Variants in RCAN1 observed in about 807,000 individuals in gnomAD.
RCAN1 encodes regulator of calcineurin 1.
A neutral mutation model predicts 22.9 loss-of-function variants in RCAN1; 11 were observed. The ratio of observed to expected loss-of-function variants is 0.48; its 90% CI spans 0.30 to 0.79. RCAN1 has a LOEUF of 0.79. Among genes scored for constraint, RCAN1 ranks in the 30% least tolerant of loss-of-function variants. The pLI is 0.06. For synonymous variants in RCAN1, 136 were observed against 142.3 expected, an observed-to-expected ratio of 0.96 and a Z score of 0.32; for missense variants, 291 against 337.8, an observed-to-expected ratio of 0.86 and a Z score of 1.09.
At chr21:34,539,567 A>G (rs1052043909) in intron 1 of RCAN1, among the ~76,000 whole-genome samples, 30 of 152,236 alleles carry the variant, frequency 2.0e-4, no homozygotes, top group Non-Finnish European at 3.5e-4. Context: ...ATAACAAAAA[A>G]GCTTCTCCTT....
rs886806931 is a variant in RCAN1 at position 34,581,038 on chromosome 21, C to T, written c.252+33722G>A. ...CACTAGGAGAACCACCCAGAAGTCA[C>T]GAGTCGGGAGTTCTAAGTCCTTGTG... On this transcript the variant is annotated intron_variant, in intron 1 of 3. Coordinates refer to ENST00000313806, the MANE Select transcript of RCAN1 (RefSeq NM_004414.7). Among the ~76,000 whole-genome samples the T allele has an allele frequency of 3.3e-5, 5 of 152,244 alleles. No individual in the cohort carries two copies. In the East Asian group the frequency reaches 5.8e-4, roughly 18 times the overall value.
At chr21:34,533,264 A>C (rs906928673) in intron 1 of RCAN1, among the ~76,000 whole-genome samples, 2 of 152,134 alleles carry the variant, frequency 1.3e-5, no homozygotes, top group African/African-American at 4.8e-5. Flanking sequence ...CAGGCCCAAA[A>C]TATACTTAAA....
At chr21:34,613,825 C>T in intron 1 of RCAN1, 1 of 1,484,182 alleles carries the variant, frequency 6.7e-7, no homozygotes, top group African/African-American at 1.4e-5. Context: ...GTATTGGCAG[C>T]AGCCTTCAAC....
intron 1 of RCAN1, among the ~76,000 whole-genome samples, chr21:34,575,764 C>T (rs141229838): frequency 1.6e-4 from 25 of 152,238 alleles, no homozygotes; most frequent in African/African-American, 4.1e-4. Context: ...TTAACAGCAA[C>T]GACACGTGCA....
chr21:34,607,392 C>T (rs1053474053), intron 1 of RCAN1, among the ~76,000 whole-genome samples: 87 of 151,954 alleles, frequency 5.7e-4, no homozygotes, highest in African/African-American at 1.9e-3. Flanking sequence ...TTTGGATTTG[C>T]TCCCTTTTTT....
At chr21:34,531,835 C>CCCTTT (rs1985403427) in intron 1 of RCAN1, among the ~76,000 whole-genome samples, 1 of 152,142 alleles carries the variant, frequency 6.6e-6, no homozygotes, top group African/African-American at 2.4e-5. Flanking sequence ...CTCCTTTCTC[C>CCCTTT]CCTTTCCTTT....
rs566860833 is a variant in RCAN1 at position 34,523,805 on chromosome 21, CAG to C, written c.253-97_253-96del. 245 of 1,037,258 alleles carry C rather than the reference CAG, an allele frequency of 2.4e-4. No homozygotes were observed. The African/African-American group carries it at 3.4e-3, about 14-fold the overall frequency. 64.3% of individuals were successfully genotyped at this position (1,037,258 alleles called of 1,614,324 possible). A position where few individuals can be genotyped will look rare whatever the true frequency, so the allele number is the denominator to read the frequency against. On this transcript the variant is annotated intron_variant, in intron 1 of 3. Coordinates refer to ENST00000313806, the MANE Select transcript of RCAN1 (RefSeq NM_004414.7). The stretch of plus-strand genomic sequence containing the variant: ...ATTACTTTTTTTTTTTTCTTCGAGA[CAG>C]AGTCTTGCTCTGTCACCCAGGCTGG...
In RCAN1 at chr21:34,518,316, A is replaced by G. The variant is rs1487521319; in HGVS notation, c.587-60T>C. On this transcript the variant is annotated intron_variant, in intron 3 of 3. Coordinates refer to ENST00000313806, the MANE Select transcript of RCAN1 (RefSeq NM_004414.7). The surrounding 1 kb of genome is among the most constrained non-coding windows in gnomAD (Gnocchi z 4.2). ...CAAGTCCTTGGGAGTCAAAAGGCAA[A>G]CATAAAAGAGCATTCAGGGCTCTGC... 6.4e-7 allele frequency: 1 copy of G among 1,574,742 alleles called. No individual in the cohort carries two copies. Among genetic ancestry groups the G allele is most frequent in the Non-Finnish European group, 8.7e-7 (1 of 1,155,506 alleles).
At chr21:34,593,609 C>T (rs537189370) in intron 1 of RCAN1, among the ~76,000 whole-genome samples, 1 of 152,292 alleles carries the variant, frequency 6.6e-6, no homozygotes, top group African/African-American at 2.4e-5. Context: ...CAGCCTGGCT[C>T]GGAACACCTG....
intron 1 of RCAN1, among the ~76,000 whole-genome samples, chr21:34,565,147 CGTGATGGT>C (rs1447599443): frequency 6.6e-6 from 1 of 152,110 alleles, no homozygotes. Flanking sequence ...ACAAGTGAGC[CGTGATGGT>C]GTCACTGCAA....
intron 1 of RCAN1, among the ~76,000 whole-genome samples, chr21:34,581,842 C>T (rs1987620982): frequency 6.6e-6 from 1 of 152,216 alleles, no homozygotes; most frequent in Non-Finnish European, 1.5e-5. Flanking sequence ...ACGGGCTCTA[C>T]AGTACTCTTG....
intron 1 of RCAN1, among the ~76,000 whole-genome samples, chr21:34,530,114 A>G (rs995912914): frequency 6.6e-6 from 1 of 152,202 alleles, no homozygotes; most frequent in Admixed American, 6.5e-5. Context: ...ATATAGTCTC[A>G]TTAGAGCTCT....
intron 1 of RCAN1, among the ~76,000 whole-genome samples, chr21:34,572,673 G>T (rs1220755603): frequency 6.6e-6 from 1 of 152,120 alleles, no homozygotes; most frequent in African/African-American, 2.4e-5. Context: ...GGCTGTATTA[G>T]TCCGGTCTCA....
At chr21:34,530,287 G>A (rs1239209440) in intron 1 of RCAN1, among the ~76,000 whole-genome samples, 1 of 152,148 alleles carries the variant, frequency 6.6e-6, no homozygotes, top group Non-Finnish European at 1.5e-5. Context: ...TGCCTCCTCT[G>A]GCTCCAAACA....
At chr21:34,549,489 G>C (rs1439570089) in intron 1 of RCAN1, among the ~76,000 whole-genome samples, 1 of 152,162 alleles carries the variant, frequency 6.6e-6, no homozygotes, top group African/African-American at 2.4e-5. Context: ...TGAATACCGA[G>C]GATCCCAAAA....
chr21:34,612,394 C>T (rs1195764532), intron 1 of RCAN1, among the ~76,000 whole-genome samples: 5 of 152,202 alleles, frequency 3.3e-5, no homozygotes, highest in Admixed American at 6.5e-5. Context: ...GTCCCTCTGC[C>T]GGGATGCCGG....
intron 1 of RCAN1, among the ~76,000 whole-genome samples, chr21:34,575,386 G>A (rs1987379902): frequency 2.6e-5 from 4 of 152,226 alleles, no homozygotes; most frequent in East Asian, 1.9e-4. Context: ...AGCTTCTAGC[G>A]TATGCCAAGC....
intron 1 of RCAN1, among the ~76,000 whole-genome samples, chr21:34,527,791 A>G (rs1183680340): frequency 2.6e-5 from 4 of 151,918 alleles, no homozygotes; most frequent in Non-Finnish European, 4.4e-5. Flanking sequence ...TTAGCGTTCC[A>G]ATAATGGAAC....
chr21:34,546,374 T>A (rs1258773995), intron 1 of RCAN1, among the ~76,000 whole-genome samples: 1 of 132,012 alleles, frequency 7.6e-6, no homozygotes, highest in Non-Finnish European at 1.6e-5. Context: ...TACTTATTAG[T>A]TTTTTTTTTT....
Sources: gnomAD v4.1 joint callset for allele counts (sites outside exome capture counted in the v4.1 genomes callset) on GRCh38, gnomAD v4.1.1 for gene constraint, Gnocchi (gnomAD v3.1) non-coding constraint, MANE v1.5 for transcripts, NCBI Gene and HGNC (gene_info 2026-07-23, HGNC 2026-07-21) for gene names.